Variants in YWHAE observed in about 807,000 individuals in gnomAD.
YWHAE encodes the protein 14-3-3 protein epsilon.
YWHAE carries 4 observed loss-of-function variants against 30.1 expected under a neutral mutation model. That is an observed-to-expected ratio of 0.13 (90% CI 0.07 to 0.30). The LOEUF (loss-of-function observed/expected upper bound fraction) is 0.30. Ranked by LOEUF, YWHAE falls within the 10% of genes least tolerant of loss-of-function variation. YWHAE has a pLI of 1.00. For missense variants in YWHAE, 121 were observed against 315.9 expected (o/e 0.38, Z 4.68); for synonymous variants, 118 against 111.8 (o/e 1.06, Z -0.35).
chr17:1,353,758 C>T (rs898458763), intron 5 of YWHAE, among the ~76,000 whole-genome samples: 16 of 75,932 alleles, frequency 2.1e-4, no homozygotes, highest in Non-Finnish European at 3.0e-4. Context: ...AGCAAGACTC[C>T]GTCTCAAAAA....
chr17:1,375,446 G>C (rs1344806438), intron 1 of YWHAE, among the ~76,000 whole-genome samples: 1 of 152,104 alleles, frequency 6.6e-6, no homozygotes, highest in Non-Finnish European at 1.5e-5. Context: ...TTTCACGGGT[G>C]GGGGAAGGCT....
rs1174679694 is a variant in YWHAE, at chr17:1,372,569, A to G, written c.65-7511T>C. Among the ~76,000 whole-genome samples the G allele has an allele frequency of 3.3e-5, 5 of 152,250 alleles. No homozygotes were observed. The East Asian group carries it at 9.6e-4, about 29-fold the overall frequency. On this transcript the variant is annotated intron_variant, in intron 1 of 5. Transcript: ENST00000264335. ...GACTGGGACTCTTCCTTTCTCTTAA[A>G]CACTTAGAAGCAATTGCAGGGTTGT...
Position 1,361,100 on chromosome 17 carries a change from A to G in YWHAE, c.570T>C (p.Arg190=), listed in dbSNP as rs2072857389. 6.2e-7 allele frequency: 1 copy of G among 1,613,936 alleles called. No individual in the cohort carries two copies. The highest frequency in any genetic ancestry group is 8.5e-7 in the Non-Finnish European group (1 of 1,179,946). The change falls in exon 4 of 6, where the codon CGT becomes CGC. Residue 190 remains arginine (R), a synonymous_variant. Transcript: ENST00000264335. ...TCTTCCCCACAACTTACCTGCAGGC[A>G]CGGTCAGGGGAATTAAGAATTTCGT... The part of the protein sequence containing the change: ...FYYEILNSPD[R]ACRLAKAAFD...
chr17:1,399,967 T>C, intron 1 of YWHAE, 80 bp downstream of exon 1: 1 of 1,567,160 alleles, frequency 6.4e-7, no homozygotes, highest in Non-Finnish European at 8.8e-7. Flanking sequence ...GATGCCGCCA[T>C]TTTGTCTCCT....
In YWHAE at chr17:1,373,667, CA is replaced by C. The variant is rs576768197; in HGVS notation, c.65-8610del. On this transcript the variant is annotated intron_variant, in intron 1 of 5. Coordinates refer to ENST00000264335, the MANE Select transcript of YWHAE (RefSeq NM_006761.5). ...TGGGTGACAGAGTGAGACTTCATCTCAAAAAAAAAAAAGAAAAGTTTGAAAT... is the reference window on the plus strand; with the variant it reads ...TGGGTGACAGAGTGAGACTTCATCTCAAAAAAAAAAAGAAAAGTTTGAAAT... 4.0e-3 allele frequency among the ~76,000 whole-genome samples: 510 copies of C among 129,014 alleles called. 1 individual carries two copies. The highest frequency in any genetic ancestry group is 0.01 in the African/African-American group (371 of 35,820). The allele number at this position is 129,014 out of a possible 152,430, so 84.6% of individuals were successfully genotyped here.
intron 1 of YWHAE, among the ~76,000 whole-genome samples, chr17:1,381,143 G>C (rs544305260): frequency 8.5e-5 from 13 of 152,268 alleles, no homozygotes; most frequent in African/African-American, 3.1e-4. Context: ...CCAGAACTTC[G>C]GGAGGCTAAC....
intron 1 of YWHAE, 108 bp from the exon 2 acceptor site, chr17:1,365,166 C>A: frequency 2.5e-6 from 3 of 1,209,738 alleles, no homozygotes; most frequent in African/African-American, 1.5e-5. Context: ...AACATTTTAA[C>A]AAAAATAATT....
intron 1 of YWHAE, among the ~76,000 whole-genome samples, chr17:1,379,520 C>G (rs1019245142): frequency 6.6e-6 from 1 of 151,934 alleles, no homozygotes; most frequent in Admixed American, 6.6e-5. Flanking sequence ...ACTTCTAATT[C>G]GAATGACGAA....
At chr17:1,353,926 C>G (rs1032188045) in intron 5 of YWHAE, among the ~76,000 whole-genome samples, 30 of 152,108 alleles carry the variant, frequency 2.0e-4, no homozygotes, top group Non-Finnish European at 1.0e-4. Flanking sequence ...TTAACTTCAG[C>G]CCCCTAAAAT....
In YWHAE at chr17:1,374,205, C is replaced by A. The variant is rs149244311; in HGVS notation, c.65-9147G>T. Among the ~76,000 whole-genome samples, 36 of 152,014 alleles carry A rather than the reference C, an allele frequency of 2.4e-4. No homozygotes were observed. The East Asian group carries it at 7.0e-3, about 29-fold the overall frequency. ...TCTAGGCGAATGTCTGTAATCCCAGCTACTCGGGAGGCTGAAGCAGGACAA... is the reference window on the plus strand; with the variant it reads ...TCTAGGCGAATGTCTGTAATCCCAGATACTCGGGAGGCTGAAGCAGGACAA... On this transcript the variant is annotated intron_variant, in intron 1 of 5. Coordinates refer to ENST00000264335, the MANE Select transcript of YWHAE (RefSeq NM_006761.5).
intron 1 of YWHAE, among the ~76,000 whole-genome samples, chr17:1,366,047 C>G (rs1309140245): frequency 6.6e-6 from 1 of 151,928 alleles, no homozygotes; most frequent in Non-Finnish European, 1.5e-5. Flanking sequence ...GAAACACTGT[C>G]TCTACTAAAA....
chr17:1,347,816 G>T, intron 5 of YWHAE: 1 of 267,604 alleles, frequency 3.7e-6, no homozygotes, highest in Non-Finnish European at 5.9e-6. Flanking sequence ...CAGTAGGCAG[G>T]AGGAGCAGGC....
At position 1,378,675 on chromosome 17, in the gene YWHAE, C is replaced by T. The variant is rs572261823; in HGVS notation, c.65-13617G>A. ...GAAATTCAGTACAGGCCAGGCACGG[C>T]GGCTCACGCCTGTAATCCCAGCACT... is the stretch of plus-strand genomic sequence containing the variant. On this transcript the variant is annotated intron_variant, in intron 1 of 5. Coordinates refer to ENST00000264335, the MANE Select transcript of YWHAE (RefSeq NM_006761.5). Among the ~76,000 whole-genome samples the T allele has an allele frequency of 1.4e-4, 22 of 152,272 alleles. 1 individual carries two copies. The highest frequency in any genetic ancestry group is 5.1e-4 in the African/African-American group (21 of 41,554).
chr17:1,354,442 A>G, intron 4 of YWHAE, 95 bp from the exon 5 acceptor site: 1 of 1,222,850 alleles, frequency 8.2e-7, no homozygotes, highest in Non-Finnish European at 1.1e-6. Context: ...CAGTTATTCC[A>G]GTTTGTAATA....
intron 1 of YWHAE, among the ~76,000 whole-genome samples, chr17:1,376,039 A>G (rs2073116751): frequency 6.6e-6 from 1 of 152,250 alleles, no homozygotes; most frequent in South Asian, 2.1e-4. Flanking sequence ...ATCCCATTTT[A>G]GAATATCTCC....
chr17:1,364,799 T>A, intron 2 of YWHAE, 60 bp downstream of exon 2: 1 of 1,589,160 alleles, frequency 6.3e-7, no homozygotes, highest in Non-Finnish European at 8.6e-7. Context: ...ATCTTAAGTG[T>A]ACCGTCCTAC....
At chr17:1,356,689 TG>T (rs2072748663) in intron 4 of YWHAE, among the ~76,000 whole-genome samples, 1 of 152,104 alleles carries the variant, frequency 6.6e-6, no homozygotes, top group Non-Finnish European at 1.5e-5. Flanking sequence ...CTGGGCGCAG[TG>T]GCTCACGCCT....
intron 1 of YWHAE, among the ~76,000 whole-genome samples, chr17:1,383,322 C>G (rs1410706440): frequency 6.6e-6 from 1 of 151,796 alleles, no homozygotes; most frequent in Non-Finnish European, 1.5e-5. Context: ...TGCACTCCAG[C>G]CTGGGCAACA....
At chr17:1,360,493 G>A (rs751725510) in intron 4 of YWHAE, among the ~76,000 whole-genome samples, 1 of 152,146 alleles carries the variant, frequency 6.6e-6, no homozygotes, top group Non-Finnish European at 1.5e-5. Context: ...TGGGTGTGGT[G>A]ACTCATGCTT....
Sources: gnomAD v4.1 joint callset for allele counts (sites outside exome capture counted in the v4.1 genomes callset) on GRCh38, gnomAD v4.1.1 for gene constraint, MANE v1.5 for transcripts, NCBI Gene and HGNC (gene_info 2026-07-23, HGNC 2026-07-21) for gene names.